The following GRM7 variants were observed in gnomAD, a reference collection of about 807,000 sequenced individuals.
The protein encoded by GRM7 is metabotropic glutamate receptor 7.
GRM7 carries 35 observed loss-of-function variants against 84.5 expected under a neutral mutation model. The observed-to-expected ratio is 0.41, with a 90% CI of 0.32 to 0.55. GRM7 has a LOEUF of 0.55. GRM7 is among the 20% of genes least tolerant of loss of function. The pLI, the probability that GRM7 is intolerant of heterozygous loss-of-function variation, is 0.19. For synonymous variants in GRM7, 487 were observed against 455.1 expected (o/e 1.07, Z -0.89); for missense variants, 1,003 against 1,194.6 (o/e 0.84, Z 2.36).
At chr3:7,182,904 T>TTTG (rs1553628165) in intron 2 of GRM7, among the ~76,000 whole-genome samples, 1 of 150,296 alleles carries the variant, frequency 6.7e-6, no homozygotes, top group Non-Finnish European at 1.5e-5. Flanking sequence ...GTGTTTTTTT[T>TTTG]TTTTTTTTTT....
At chr3:7,732,990 C>A (rs1166004052) in intron 9 of GRM7, among the ~76,000 whole-genome samples, 1 of 152,196 alleles carries the variant, frequency 6.6e-6, no homozygotes, top group Non-Finnish European at 1.5e-5. Flanking sequence ...TATAGAGTAA[C>A]CTCCTGATGT....
At chr3:6,890,606 G>C (rs142316930) in intron 1 of GRM7, among the ~76,000 whole-genome samples, 4,271 of 152,082 alleles carry the variant, frequency 0.028, 200 homozygotes, top group African/African-American at 0.096. Flanking sequence ...ACAGTTTGTT[G>C]TAATTTCTGA....
At chr3:7,123,534 G>A (rs181770082) in intron 1 of GRM7, among the ~76,000 whole-genome samples, 2 of 152,002 alleles carry the variant, frequency 1.3e-5, no homozygotes, top group Non-Finnish European at 2.9e-5. Flanking sequence ...CAGGAGAATC[G>A]CTTGAACCCA....
intron 4 of GRM7, among the ~76,000 whole-genome samples, chr3:7,333,124 C>T (rs1701273801): frequency 6.6e-6 from 1 of 152,144 alleles, no homozygotes. Context: ...GCTAATTCCA[C>T]TGCCTGCAAC....
intron 2 of GRM7, among the ~76,000 whole-genome samples, chr3:7,264,112 C>T (rs772732592): frequency 2.0e-5 from 3 of 152,032 alleles, no homozygotes; most frequent in Non-Finnish European, 4.4e-5. Flanking sequence ...CCTCTGGGTA[C>T]CCCAGGCTGC....
At chr3:6,947,944 T>C (rs1332584572) in intron 1 of GRM7, among the ~76,000 whole-genome samples, 2 of 152,210 alleles carry the variant, frequency 1.3e-5, no homozygotes, top group African/African-American at 4.8e-5. Flanking sequence ...TTCTTCTCTC[T>C]TTTCTTCTTT....
At chr3:6,975,804 C>T (rs1264484728) in intron 1 of GRM7, among the ~76,000 whole-genome samples, 1 of 152,122 alleles carries the variant, frequency 6.6e-6, no homozygotes, top group Non-Finnish European at 1.5e-5. Context: ...TTGAAAAGCA[C>T]TCACAGTTTG....
intron 6 of GRM7, among the ~76,000 whole-genome samples, chr3:7,453,118 C>A (rs577679771): frequency 1.3e-5 from 2 of 150,262 alleles, no homozygotes; most frequent in African/African-American, 4.9e-5. Context: ...GGAGCAGTTG[C>A]TGTAGGTACC....
At chr3:7,602,682 G>T (rs995092857) in intron 8 of GRM7, among the ~76,000 whole-genome samples, 27 of 152,078 alleles carry the variant, frequency 1.8e-4, no homozygotes, top group African/African-American at 1.9e-4. Flanking sequence ...TAGGTAATTT[G>T]CCTGTTACTG....
At chr3:7,195,370 A>T (rs754801567) in intron 2 of GRM7, among the ~76,000 whole-genome samples, 22 of 152,126 alleles carry the variant, frequency 1.4e-4, no homozygotes, top group Non-Finnish European at 2.8e-4. Context: ...AGAACCCCTT[A>T]TCAGGCACCC....
chr3:7,338,532 A>G (rs1701513760), intron 4 of GRM7, among the ~76,000 whole-genome samples: 1 of 152,088 alleles, frequency 6.6e-6, no homozygotes. Context: ...ACTAACCTTA[A>G]AAAAAGACAT....
At chr3:7,046,207 T>C (rs1696802041) in intron 1 of GRM7, among the ~76,000 whole-genome samples, 1 of 152,140 alleles carries the variant, frequency 6.6e-6, no homozygotes, top group South Asian at 2.1e-4. Context: ...TATTCAGTAA[T>C]TAGATTATCT....
chr3:7,122,382 A>T (rs17046816), intron 1 of GRM7, among the ~76,000 whole-genome samples: 6,873 of 152,290 alleles, frequency 0.045, 513 homozygotes, highest in African/African-American at 0.16. Context: ...TTGAAAATGT[A>T]ATGAGAACTG....
intron 7 of GRM7, among the ~76,000 whole-genome samples, chr3:7,577,152 T>C (rs979026946): frequency 6.6e-6 from 1 of 152,186 alleles, no homozygotes. Context: ...ACCTGGGACA[T>C]AATGATGCCA....
At chr3:7,237,836 T>A (rs1403745730) in intron 2 of GRM7, among the ~76,000 whole-genome samples, 1 of 152,130 alleles carries the variant, frequency 6.6e-6, no homozygotes, top group Non-Finnish European at 1.5e-5. Context: ...AGCGTAACGA[T>A]TGGTCCATTT....
chr3:7,584,888 C>CT (rs1695438289), intron 8 of GRM7, among the ~76,000 whole-genome samples: 1 of 152,068 alleles, frequency 6.6e-6, no homozygotes, highest in African/African-American at 2.4e-5. Context: ...ACTATTTAAT[C>CT]TATTTTATCA....
intron 7 of GRM7, among the ~76,000 whole-genome samples, chr3:7,517,854 G>C (rs916398709): frequency 1.1e-4 from 17 of 152,154 alleles, no homozygotes; most frequent in East Asian, 3.8e-4. Flanking sequence ...TCCCAAGCTC[G>C]TCCAGCTGAC....
intron 4 of GRM7, among the ~76,000 whole-genome samples, chr3:7,333,691 A>C (rs1701296911): frequency 8.5e-6 from 1 of 117,128 alleles, no homozygotes; most frequent in South Asian, 2.9e-4. Context: ...CAAGTTGAAA[A>C]CCAACATAAA....
intron 7 of GRM7, among the ~76,000 whole-genome samples, chr3:7,563,621 T>G (rs902831648): frequency 6.6e-6 from 1 of 152,098 alleles, no homozygotes; most frequent in Admixed American, 6.6e-5. Flanking sequence ...AATAAAATAA[T>G]ATAAATAGGG....
Sources: allele counts gnomAD v4.1 joint callset (sites outside exome capture counted in the v4.1 genomes callset), GRCh38; gene constraint gnomAD v4.1.1; transcripts MANE v1.5; gene names NCBI Gene and HGNC (gene_info 2026-07-23, HGNC 2026-07-21).